The following FBN1 variants were observed in gnomAD, a reference collection of about 807,000 sequenced individuals.
FBN1 encodes the protein fibrillin-1.
A neutral mutation model predicts 365.1 loss-of-function variants in FBN1; 29 were observed. The observed-to-expected ratio is 0.08, with a 90% CI of 0.06 to 0.11. The LOEUF is 0.11. FBN1 is among the 10% of genes least tolerant of loss of function. The probability of loss-of-function intolerance (pLI) is 1.00; values close to 1 mark genes in which losing one functional copy is unlikely to be tolerated. For synonymous variants in FBN1, 1,210 were observed against 1,270.5 expected, an observed-to-expected ratio of 0.95 and a Z score of 1.01; for missense variants, 2,476 against 3,703.2, an observed-to-expected ratio of 0.67 and a Z score of 8.60.
intron 53 of FBN1, 71 bp downstream of exon 53, chr15:48,436,890 C>T: frequency 1.1e-6 from 1 of 928,818 alleles, no homozygotes; most frequent in South Asian, 1.3e-5. Flanking sequence ...ATATTCATGG[C>T]TATACAGTGA....
At chr15:48,466,651 T>C (rs1194501521) in intron 38 of FBN1, among the ~76,000 whole-genome samples, 4 of 152,164 alleles carry the variant, frequency 2.6e-5, no homozygotes, top group African/African-American at 7.2e-5. Flanking sequence ...TATGTACACA[T>C]GCCTATATGT....
chr15:48,486,676 C>A (rs1293347580), intron 29 of FBN1, among the ~76,000 whole-genome samples: 1 of 152,168 alleles, frequency 6.6e-6, no homozygotes, highest in African/African-American at 2.4e-5. Context: ...TGCTCTTTTC[C>A]ACAGCACTCA....
chr15:48,467,505 G>A (rs1370945220), intron 38 of FBN1, among the ~76,000 whole-genome samples: 1 of 152,274 alleles, frequency 6.6e-6, no homozygotes, highest in East Asian at 1.9e-4. Context: ...CTTCTTTCAA[G>A]CCACCCCATA....
chr15:48,459,369 C>A (rs567342430), intron 43 of FBN1, among the ~76,000 whole-genome samples: 3 of 152,228 alleles, frequency 2.0e-5, no homozygotes, highest in South Asian at 2.1e-4. Context: ...TGGACGTGGA[C>A]GAGACTGTGG....
At position 48,634,774 on chromosome 15, in the gene FBN1, G is replaced by T. The variant is rs1456097145; in HGVS notation, c.164+9832C>A. On this transcript the variant is annotated intron_variant, in intron 2 of 65. Transcript: ENST00000316623. ...ATGAAACAATGATGATGAAGAAAAA[G>T]AAGAAAAGGAAAAGATGGCAACAAA... 4.7e-5 allele frequency among the ~76,000 whole-genome samples: 6 copies of T among 128,132 alleles called. No homozygotes were observed. The East Asian group carries it at 9.9e-4, about 21-fold the overall frequency. The allele number at this position is 128,132 out of a possible 152,430, so 84.1% of individuals were successfully genotyped here. A position where few individuals can be genotyped will look rare whatever the true frequency, so the allele number is the denominator to read the frequency against.
intron 32 of FBN1, among the ~76,000 whole-genome samples, chr15:48,475,333 T>C (rs2043410629): frequency 6.6e-6 from 1 of 152,150 alleles, no homozygotes; most frequent in African/African-American, 2.4e-5. Context: ...AATGGGGATT[T>C]TGTCAGAATA....
intron 55 of FBN1, 71 bp from the exon 56 acceptor site, chr15:48,430,873 A>C: frequency 6.6e-7 from 1 of 1,504,114 alleles, no homozygotes; most frequent in Non-Finnish European, 9.2e-7. Flanking sequence ...CTGACTTTTA[A>C]ACATAAAATG....
At position 48,463,134 on chromosome 15, in the gene FBN1, G is replaced by A. The variant is rs376532222; in HGVS notation, c.5172C>T (p.Asn1724=). The change falls in exon 42 of 66, where the codon AAC becomes AAT. Residue 1724 remains asparagine (N), a synonymous_variant. Coordinates refer to ENST00000316623, the MANE Select transcript of FBN1 (RefSeq NM_000138.5). The stretch of plus-strand genomic sequence containing the variant: ...AGGGCTTGTTCCACGCCCGGCCAAT[G>A]TTGTAGGAACAGCAGCACATCTTCT... ...MTKKMCCCSY[N]IGRAWNKPCE... 1.2e-6 allele frequency: 2 copies of A among 1,613,978 alleles called. No homozygotes were observed. The highest frequency in any genetic ancestry group is 1.3e-5 in the African/African-American group (1 of 74,918).
At chr15:48,509,675 T>C (rs1046501082) in intron 14 of FBN1, among the ~76,000 whole-genome samples, 18 of 151,472 alleles carry the variant, frequency 1.2e-4, no homozygotes, top group African/African-American at 3.6e-4. Context: ...ATTTTATTAC[T>C]AGGCAGACAC....
chr15:48,601,557 T>C (rs1164729448), intron 4 of FBN1, among the ~76,000 whole-genome samples: 3 of 152,218 alleles, frequency 2.0e-5, no homozygotes, highest in African/African-American at 4.8e-5. Context: ...ATGCTCACTC[T>C]TCCTGAAGCA....
At position 48,430,700 on chromosome 15, in the gene FBN1, T is replaced by C. The variant is rs1183209832; in HGVS notation, c.6842A>G (p.Gln2281Arg). The change falls in exon 56 of 66, where the codon CAG (glutamine) becomes CGG (arginine). Residue 2281 changes from glutamine to arginine, a missense_variant. By Grantham distance (43) the Gln-to-Arg change is conservative. This residue lies in a region of FBN1 where 1,780 missense variants were observed against 2,840.8 expected (regional missense o/e 0.63). Transcript: ENST00000316623. ...TYMCICGPGY[Q>R]RRPDGEGCVD... ...ACAGCCTTCTCCATCAGGTCTCCGC[T>C]GATACCCGGGTCCACAGATGCACAT... The C allele has an allele frequency of 6.2e-7, 1 of 1,613,986 alleles. No individual in the cohort carries two copies. Among genetic ancestry groups the C allele is most frequent in the Non-Finnish European group, 8.5e-7 (1 of 1,179,886 alleles).
chr15:48,562,879 G>T (rs566416298), intron 6 of FBN1, among the ~76,000 whole-genome samples: 1 of 152,258 alleles, frequency 6.6e-6, no homozygotes, highest in Non-Finnish European at 1.5e-5. Context: ...TCTAAAATTT[G>T]TAATGAAACA....
chr15:48,419,755 G>GT (rs1158157869), intron 63 of FBN1, among the ~76,000 whole-genome samples: 1 of 152,218 alleles, frequency 6.6e-6, no homozygotes, highest in Non-Finnish European at 1.5e-5. Flanking sequence ...CCGGGAAGCA[G>GT]TAATTCTTTG....
chr15:48,494,057 G>T (rs1445004460), intron 23 of FBN1, 147 bp downstream of exon 23: 1 of 692,224 alleles, frequency 1.4e-6, no homozygotes, highest in Non-Finnish European at 2.6e-6. Context: ...GAAATTAACA[G>T]CTGTTCCGTT....
At chr15:48,518,152 T>C (rs2043819846) in intron 10 of FBN1, among the ~76,000 whole-genome samples, 5 of 152,232 alleles carry the variant, frequency 3.3e-5, no homozygotes, top group Admixed American at 3.3e-4. Flanking sequence ...GAATTCTATG[T>C]TGTTCATGCT....
At chr15:48,635,427 T>A (rs943495547) in intron 2 of FBN1, among the ~76,000 whole-genome samples, 1 of 152,204 alleles carries the variant, frequency 6.6e-6, no homozygotes, top group African/African-American at 2.4e-5. Flanking sequence ...CTATTGATAA[T>A]GTGGCTACTC....
At chr15:48,576,488 T>C (rs2140680380) in intron 6 of FBN1, among the ~76,000 whole-genome samples, 1 of 152,260 alleles carries the variant, frequency 6.6e-6, no homozygotes, top group Non-Finnish European at 1.5e-5. Flanking sequence ...CAACAGACCA[T>C]AAGCTGGAGG....
intron 6 of FBN1, among the ~76,000 whole-genome samples, chr15:48,559,892 T>C (rs770751070): frequency 1.3e-4 from 20 of 152,220 alleles, no homozygotes; most frequent in Non-Finnish European, 2.8e-4. Context: ...TCATCTGTTT[T>C]CAGTCATCTA....
intron 2 of FBN1, chr15:48,643,771 G>A (rs2140785655): frequency 6.6e-6 from 1 of 152,240 alleles, no homozygotes; most frequent in South Asian, 2.1e-4. Context: ...TTTCCATGGA[G>A]GCTTTAACTT....
Sources: gnomAD v4.1 joint callset for allele counts (sites outside exome capture counted in the v4.1 genomes callset) on GRCh38, gnomAD v4.1.1 for gene constraint, gnomAD v4.1.1 regional missense constraint, MANE v1.5 for transcripts, NCBI Gene and HGNC (gene_info 2026-07-23, HGNC 2026-07-21) for gene names.